The following SLC12A1 variants were observed in gnomAD, a reference collection of about 807,000 sequenced individuals.
The protein encoded by SLC12A1 is solute carrier family 12 member 1, also known as Na-K-2Cl cotransporter.
SLC12A1 carries 89 observed loss-of-function variants against 130.4 expected under a neutral mutation model. The ratio of observed to expected loss-of-function variants is 0.68; its 90% CI spans 0.58 to 0.81. SLC12A1 has a LOEUF of 0.81. SLC12A1 is among the 40% of genes least tolerant of loss of function. SLC12A1 has a pLI of 0.00. For synonymous variants in SLC12A1, 499 were observed against 460.0 expected (o/e 1.08, Z -1.09); for missense variants, 1,310 against 1,336.4 (o/e 0.98, Z 0.31).
intron 19 of SLC12A1, among the ~76,000 whole-genome samples, chr15:48,273,374 G>C (rs1566851178): frequency 6.6e-6 from 1 of 152,102 alleles, no homozygotes; most frequent in Non-Finnish European, 1.5e-5. Context: ...GTACTCTTGT[G>C]ATTACTCTTG....
At chr15:48,236,210 A>C (rs2041438669) in intron 9 of SLC12A1, among the ~76,000 whole-genome samples, 2 of 152,310 alleles carry the variant, frequency 1.3e-5, no homozygotes, top group South Asian at 2.1e-4. Flanking sequence ...TTCAAGACTC[A>C]TTAAGAAATA....
chr15:48,224,369 C>G (rs2041256784), intron 4 of SLC12A1: 1 of 152,312 alleles, frequency 6.6e-6, no homozygotes, highest in South Asian at 2.1e-4. Context: ...AAGAGAAAAA[C>G]AGAATTTATT....
intron 13 of SLC12A1, among the ~76,000 whole-genome samples, chr15:48,248,637 T>C (rs2041610908): frequency 6.6e-6 from 1 of 152,258 alleles, no homozygotes; most frequent in Non-Finnish European, 1.5e-5. Flanking sequence ...TCATTGAGGG[T>C]GATAGATGTC....
intron 15 of SLC12A1, among the ~76,000 whole-genome samples, chr15:48,253,156 G>C (rs952919021): frequency 1.3e-5 from 2 of 152,196 alleles, no homozygotes; most frequent in African/African-American, 4.8e-5. Context: ...CTACCTTGGA[G>C]GGGTCTGTTT....
In SLC12A1 at chr15:48,299,115, G is replaced by T. The variant is rs970732558; in HGVS notation, c.2961-25G>T. 19 of 1,588,224 alleles carry T rather than the reference G, an allele frequency of 1.2e-5. No homozygotes were observed. In the African/African-American group the frequency reaches 1.9e-4, roughly 16 times the overall value. On this transcript the variant is annotated intron_variant, in intron 24 of 26. Coordinates refer to ENST00000380993, the MANE Select transcript of SLC12A1 (RefSeq NM_000338.3). ...TAATGAGTTAGTTTCCCACTGTGAG[G>T]CCTCCTTTATAATTCAAATTTTAGC...
chr15:48,207,041 A>G (rs565020847), intron 1 of SLC12A1, among the ~76,000 whole-genome samples: 14 of 152,214 alleles, frequency 9.2e-5, no homozygotes, highest in Non-Finnish European at 1.9e-4. Context: ...TTTGGAATTT[A>G]TAAGTTGAAC....
At chr15:48,250,676 T>TCACACACACA (rs56705329) in intron 14 of SLC12A1, among the ~76,000 whole-genome samples, 1,689 of 146,016 alleles carry the variant, frequency 0.012, 43 homozygotes, top group African/African-American at 0.04. Flanking sequence ...AATGTCTGCC[T>TCACACACACA]CACACACACA....
chr15:48,286,318 G>T (rs1168284505), intron 21 of SLC12A1, among the ~76,000 whole-genome samples: 2 of 152,202 alleles, frequency 1.3e-5, no homozygotes. Context: ...ATGGGCCGTG[G>T]CCTACTCCTT....
chr15:48,263,776 T>C (rs1408821035), intron 17 of SLC12A1, among the ~76,000 whole-genome samples: 2 of 152,166 alleles, frequency 1.3e-5, no homozygotes, highest in Non-Finnish European at 2.9e-5. Flanking sequence ...CACTGCAGCC[T>C]TGAGCTCCCA....
chr15:48,244,006 C>T (rs34314050), intron 10 of SLC12A1, among the ~76,000 whole-genome samples: 1,957 of 152,230 alleles, frequency 0.013, 19 homozygotes, highest in Non-Finnish European at 0.02. Context: ...AAATATATAT[C>T]AAGAGTCTTC....
At chr15:48,209,982 C>T (rs1463432586) in intron 2 of SLC12A1, among the ~76,000 whole-genome samples, 2 of 152,138 alleles carry the variant, frequency 1.3e-5, no homozygotes, top group Admixed American at 6.5e-5. Flanking sequence ...GTTAGCAATG[C>T]GACAATTTCA....
chr15:48,219,425 G>A (rs2041171169), intron 2 of SLC12A1, among the ~76,000 whole-genome samples: 1 of 151,956 alleles, frequency 6.6e-6, no homozygotes, highest in South Asian at 2.1e-4. Flanking sequence ...GCGTGGTGGT[G>A]CACCCCTGTA....
chr15:48,216,597 C>T (rs1047170728), intron 2 of SLC12A1, among the ~76,000 whole-genome samples: 2 of 152,166 alleles, frequency 1.3e-5, no homozygotes, highest in African/African-American at 4.8e-5. Flanking sequence ...GAAAATTGCC[C>T]TCTCCCAAAG....
intron 19 of SLC12A1, among the ~76,000 whole-genome samples, chr15:48,274,190 G>T (rs2041927012): frequency 6.6e-6 from 1 of 152,080 alleles, no homozygotes; most frequent in Non-Finnish European, 1.5e-5. Flanking sequence ...GGTTGGGGGT[G>T]GTGGCTAATC....
chr15:48,233,094 GA>G (rs1475499167), intron 8 of SLC12A1, among the ~76,000 whole-genome samples: 1 of 152,172 alleles, frequency 6.6e-6, no homozygotes, highest in African/African-American at 2.4e-5. Context: ...GAAAATATAT[GA>G]GTTTAACTAG....
In SLC12A1 at chr15:48,219,271, G is replaced by T. The variant is rs891993977; in HGVS notation, c.421-1363G>T. On this transcript the variant is annotated intron_variant, in intron 2 of 26. Transcript: ENST00000380993. ...TTCTTAGAAAACTTGTCGGCCGGGT[G>T]TGGTGGCTCATGCCTGTAATCTCAG... Among the ~76,000 whole-genome samples, 14 of 152,320 alleles carry T rather than the reference G, an allele frequency of 9.2e-5. No individual in the cohort carries two copies. In the East Asian group the frequency reaches 2.7e-3, roughly 29 times the overall value.
chr15:48,262,559 C>G (rs554351708), intron 17 of SLC12A1, among the ~76,000 whole-genome samples: 1 of 152,114 alleles, frequency 6.6e-6, no homozygotes, highest in African/African-American at 2.4e-5. Flanking sequence ...CTCTCTCTTG[C>G]TTTTTTACTA....
At position 48,227,008 on chromosome 15, in the gene SLC12A1, T is replaced by C. The variant is rs2041297732; in HGVS notation, c.724+437T>C. The C allele has an allele frequency of 4.2e-6, 4 of 946,338 alleles. No individual in the cohort carries two copies. In the Admixed American group the frequency reaches 8.6e-5, roughly 20 times the overall value. The allele number at this position is 946,338 out of a possible 1,614,324, so 58.6% of individuals were successfully genotyped here. On this transcript the variant is annotated intron_variant, in intron 5 of 26. Transcript: ENST00000380993. ...GATCTTTCTGTGACAAGATTCAGAC[T>C]GCTGCCTCCTGAAGTACTGGTGACT...
rs796819363 is a variant in SLC12A1 at position 48,238,850 on chromosome 15, A to C, written c.1216-2665A>C. ...TCCCATCCAGAACCTTACATTTGCT[A>C]ATAATGCACTAACAGATGATCTGTA... On this transcript the variant is annotated intron_variant, in intron 9 of 26. Coordinates refer to ENST00000380993, the MANE Select transcript of SLC12A1 (RefSeq NM_000338.3). Among the ~76,000 whole-genome samples the C allele has an allele frequency of 3.3e-5, 5 of 152,188 alleles. No homozygotes were observed. In the South Asian group the frequency reaches 1.0e-3, roughly 32 times the overall value.
Sources: gnomAD v4.1 joint callset for allele counts (sites outside exome capture counted in the v4.1 genomes callset) on GRCh38, gnomAD v4.1.1 for gene constraint, MANE v1.5 for transcripts, NCBI Gene and HGNC (gene_info 2026-07-23, HGNC 2026-07-21) for gene names.